The following FGF14 variants were observed in gnomAD, a reference collection of about 807,000 sequenced individuals.
The protein encoded by FGF14 is fibroblast growth factor 14.
Under a neutral mutation model 25.5 loss-of-function variants are expected in FGF14, and 5 were observed. That is an observed-to-expected ratio of 0.20 (90% CI 0.10 to 0.41). The LOEUF (loss-of-function observed/expected upper bound fraction) is 0.41. Among genes scored for constraint, FGF14 ranks in the 10% least tolerant of loss-of-function variants. FGF14 has a pLI of 1.00. For synonymous variants in FGF14, 138 were observed against 118.3 expected (o/e 1.17, Z -1.08); for missense variants, 222 against 320.1 (o/e 0.69, Z 2.34).
chr13:102,190,405 T>C (rs1409550786), intron 1 of FGF14, among the ~76,000 whole-genome samples: 1 of 152,210 alleles, frequency 6.6e-6, no homozygotes, highest in African/African-American at 2.4e-5. Context: ...AAATTTTTGA[T>C]TGTCACAACT....
At chr13:101,847,847 A>G (rs975168649) in intron 3 of FGF14, among the ~76,000 whole-genome samples, 1 of 152,084 alleles carries the variant, frequency 6.6e-6, no homozygotes, top group Non-Finnish European at 1.5e-5. Context: ...AAACATTAAG[A>G]CATTTTCCAA....
In FGF14 at chr13:102,127,204, AAG is replaced by A. The variant is rs146845041; in HGVS notation, c.209-251910_209-251909del. The stretch of plus-strand genomic sequence containing the variant: ...GAAGTCCATTTGTCTCATAAGTAAA[AAG>A]AGAGAAAAAACTGGAGACCAAGATT... On this transcript the variant is annotated intron_variant, in intron 1 of 4. Transcript: ENST00000376131. Among the ~76,000 whole-genome samples, 1,150 of 152,304 alleles carry A rather than the reference AAG, an allele frequency of 7.6e-3. 7 individuals are homozygous for A. The highest frequency in any genetic ancestry group is 0.019 in the African/African-American group (784 of 41,562).
intron 3 of FGF14, among the ~76,000 whole-genome samples, chr13:101,790,409 CTTT>C (rs3064706): frequency 0.45 from 64,431 of 143,106 alleles, 15,744 homozygotes; most frequent in Middle Eastern, 0.58. Flanking sequence ...TATTCATTTT[CTTT>C]TTTTTTTTTT....
intron 3 of FGF14, among the ~76,000 whole-genome samples, chr13:101,753,176 A>C (rs1296994458): frequency 6.6e-6 from 1 of 152,074 alleles, no homozygotes; most frequent in Non-Finnish European, 1.5e-5. Flanking sequence ...TAAATATATA[A>C]GTGATATATA....
At chr13:101,799,740 T>C (rs996759185) in intron 3 of FGF14, among the ~76,000 whole-genome samples, 5 of 152,052 alleles carry the variant, frequency 3.3e-5, no homozygotes, top group African/African-American at 1.2e-4. Context: ...ATTGGAAGAC[T>C]ACCCAAAGCA....
At position 101,781,988 on chromosome 13, in the gene FGF14, C is replaced by G. The variant is rs748858661; in HGVS notation, c.409-55178G>C. On this transcript the variant is annotated intron_variant, in intron 3 of 4. Transcript: ENST00000376143. ...TAAAGGTATCCCTTAAAATTCAGTA[C>G]ATGTTCTTTTTGGTCTATGGAGATC... 1.6e-4 allele frequency among the ~76,000 whole-genome samples: 25 copies of G among 152,308 alleles called. No individual in the cohort carries two copies. In the Middle Eastern group the frequency reaches 0.01, roughly 62 times the overall value.
At position 101,719,227 on chromosome 13, in the gene FGF14, C is replaced by T. The variant is rs1475525178; in HGVS notation, c.*3604G>A. The T allele has an allele frequency of 1.3e-5, 2 of 152,038 alleles. No homozygotes were observed. Among genetic ancestry groups the T allele is most frequent in the Non-Finnish European group, 2.9e-5 (2 of 67,994 alleles). 9.4% of individuals were successfully genotyped at this position (152,038 alleles called of 1,614,324 possible). A position where few individuals can be genotyped will look rare whatever the true frequency, so the allele number is the denominator to read the frequency against. ...TTTTTGCTTTTAAAGACAACCAAAT[C>T]TGATATTGTTCATCCTGATAAAAAT... On this transcript the variant is annotated 3_prime_UTR_variant, in exon 5 of 5. Transcript: ENST00000376143.
chr13:102,258,781 T>C (rs953626055), intron 1 of FGF14, among the ~76,000 whole-genome samples: 1 of 152,104 alleles, frequency 6.6e-6, no homozygotes, highest in Admixed American at 6.5e-5. Context: ...TGGAGGAACA[T>C]GCAAACAATA....
In FGF14 at chr13:101,877,470, T is replaced by C. The variant is rs557375327; in HGVS notation, c.194-2174A>G. Among the ~76,000 whole-genome samples the C allele has an allele frequency of 1.8e-4, 28 of 152,142 alleles. 1 individual carries two copies. Among genetic ancestry groups the C allele is most frequent in the African/African-American group, 5.8e-4 (24 of 41,508 alleles). On this transcript the variant is annotated intron_variant, in intron 1 of 4. Transcript: ENST00000376143. ...TGAAGAAATCGAGACACAGAGCAATTAAGTAGTAATAATATGACAAAGGGT... is the reference window on the plus strand; with the variant it reads ...TGAAGAAATCGAGACACAGAGCAATCAAGTAGTAATAATATGACAAAGGGT...
At chr13:102,399,603 G>A (rs2058655960) in intron 1 of FGF14, among the ~76,000 whole-genome samples, 1 of 152,190 alleles carries the variant, frequency 6.6e-6, no homozygotes, top group East Asian at 1.9e-4. Flanking sequence ...TTGATGTCGG[G>A]GACTTGGAGT....
chr13:101,776,018 C>G (rs549615733), intron 3 of FGF14, among the ~76,000 whole-genome samples: 3 of 152,154 alleles, frequency 2.0e-5, no homozygotes, highest in Admixed American at 2.0e-4. Flanking sequence ...AATTCAAAAC[C>G]AGCCTAGTCA....
At chr13:102,347,339 C>T (rs2057139307) in intron 1 of FGF14, among the ~76,000 whole-genome samples, 1 of 152,028 alleles carries the variant, frequency 6.6e-6, no homozygotes, top group South Asian at 2.1e-4. Flanking sequence ...AATAATTCTA[C>T]CGTAGAAAGT....
intron 3 of FGF14, among the ~76,000 whole-genome samples, chr13:101,858,661 C>G (rs967336417): frequency 1.3e-5 from 2 of 151,968 alleles, no homozygotes; most frequent in African/African-American, 4.8e-5. Flanking sequence ...TTACTATTTA[C>G]AGTAGTTTAT....
At chr13:102,152,775 C>T (rs965811033) in intron 1 of FGF14, among the ~76,000 whole-genome samples, 1 of 152,132 alleles carries the variant, frequency 6.6e-6, no homozygotes, top group African/African-American at 2.4e-5. Flanking sequence ...CTAAACACTG[C>T]ATTTTATTCT....
chr13:102,161,832 A>G (rs1267533776), intron 1 of FGF14, among the ~76,000 whole-genome samples: 4 of 151,560 alleles, frequency 2.6e-5, no homozygotes, highest in Admixed American at 2.6e-4. Context: ...AGATAATTAA[A>G]AAAAAAAAAA....
intron 3 of FGF14, among the ~76,000 whole-genome samples, chr13:101,827,289 T>C (rs2042435316): frequency 6.6e-6 from 1 of 151,964 alleles, no homozygotes; most frequent in Non-Finnish European, 1.5e-5. Context: ...ACAATGCACA[T>C]AGCTTGGTGT....
intron 1 of FGF14, among the ~76,000 whole-genome samples, chr13:102,173,326 A>G (rs562519605): frequency 1.3e-5 from 2 of 152,252 alleles, no homozygotes; most frequent in South Asian, 4.1e-4. Flanking sequence ...AAAAAAAGAT[A>G]AAAAGCATTG....
intron 1 of FGF14, among the ~76,000 whole-genome samples, chr13:102,078,068 A>G (rs1595193201): frequency 6.6e-6 from 1 of 152,112 alleles, no homozygotes; most frequent in East Asian, 1.9e-4. Flanking sequence ...CCTCATTCCT[A>G]TGGGGAATCT....
intron 3 of FGF14, among the ~76,000 whole-genome samples, chr13:101,826,705 T>C (rs746825997): frequency 5.9e-5 from 9 of 152,020 alleles, no homozygotes; most frequent in Non-Finnish European, 7.4e-5. Context: ...AGCTGGATAA[T>C]TGATATCACT....
Sources: allele counts gnomAD v4.1 joint callset (sites outside exome capture counted in the v4.1 genomes callset), GRCh38; gene constraint gnomAD v4.1.1; transcripts MANE v1.5; gene names NCBI Gene and HGNC (gene_info 2026-07-23, HGNC 2026-07-21).